Variants in COMMD10 observed in about 807,000 individuals in gnomAD.
COMMD10 encodes COMM domain containing 10, also known as COMM domain-containing protein 10.
A neutral mutation model predicts 28.9 loss-of-function variants in COMMD10; 33 were observed. The ratio of observed to expected loss-of-function variants is 1.14; its 90% CI spans 0.87 to 1.53. The LOEUF (loss-of-function observed/expected upper bound fraction) is 1.53. COMMD10 is among the 40% of genes most tolerant of loss of function. The pLI is 0.00. For synonymous variants in COMMD10, 110 were observed against 81.7 expected, an observed-to-expected ratio of 1.35 and a Z score of -1.87; for missense variants, 310 against 233.4, an observed-to-expected ratio of 1.33 and a Z score of -2.14.
chr5:116,181,083 G>A (rs1747941562), intron 5 of COMMD10, among the ~76,000 whole-genome samples: 1 of 152,072 alleles, frequency 6.6e-6, no homozygotes, highest in East Asian at 1.9e-4. Context: ...GGTTGAAGCT[G>A]CAGTGAGCTG....
intron 4 of COMMD10, among the ~76,000 whole-genome samples, chr5:116,099,608 T>C (rs1750588059): frequency 6.6e-6 from 1 of 152,232 alleles, no homozygotes; most frequent in African/African-American, 2.4e-5. Flanking sequence ...TAACACTTGC[T>C]GTCTCTTGTC....
intron 1 of COMMD10, 35 bp from the exon 2 acceptor site, chr5:116,087,462 C>CT: frequency 7.3e-7 from 1 of 1,361,806 alleles, no homozygotes; most frequent in Non-Finnish European, 1.1e-6. Flanking sequence ...ACTTGGAAAA[C>CT]TCATTTCAAA....
intron 5 of COMMD10, among the ~76,000 whole-genome samples, chr5:116,176,483 A>G (rs982566047): frequency 2.6e-5 from 4 of 152,152 alleles, no homozygotes; most frequent in Non-Finnish European, 5.9e-5. Context: ...AACATCTGAG[A>G]TGTGGGTTTA....
At chr5:116,095,085 A>C (rs1159364204) in intron 4 of COMMD10, among the ~76,000 whole-genome samples, 1 of 152,172 alleles carries the variant, frequency 6.6e-6, no homozygotes. Flanking sequence ...TATAATCAGA[A>C]GTAATAAGTT....
intron 4 of COMMD10, among the ~76,000 whole-genome samples, chr5:116,101,421 A>T (rs1257878644): frequency 2.0e-5 from 3 of 150,510 alleles, no homozygotes; most frequent in Non-Finnish European, 4.4e-5. Context: ...TTTATTTTTT[A>T]TTTATTTATT....
chr5:116,093,502 A>G (rs1237260678), intron 4 of COMMD10, among the ~76,000 whole-genome samples: 1 of 152,072 alleles, frequency 6.6e-6, no homozygotes, highest in Admixed American at 6.5e-5. Context: ...TAACTGTGGG[A>G]GAGTTCTTGA....
chr5:116,221,951 G>A (rs1358986829), intron 5 of COMMD10, among the ~76,000 whole-genome samples: 1 of 152,202 alleles, frequency 6.6e-6, no homozygotes, highest in Non-Finnish European at 1.5e-5. Flanking sequence ...GTTTTAGCAG[G>A]TTGTGAAAAG....
chr5:116,134,211 T>G (rs764773162), intron 5 of COMMD10, 33 bp downstream of exon 5: 1 of 1,295,894 alleles, frequency 7.7e-7, no homozygotes, highest in Admixed American at 1.7e-5. Context: ...AAGGATGTAT[T>G]TTGTTTGTTA....
intron 5 of COMMD10, among the ~76,000 whole-genome samples, chr5:116,222,748 G>A (rs914381236): frequency 6.6e-6 from 1 of 152,270 alleles, no homozygotes; most frequent in Admixed American, 6.5e-5. Context: ...CTGGAATGCA[G>A]TGGTGCCATC....
At chr5:116,127,418 A>G (rs1054123220) in intron 4 of COMMD10, among the ~76,000 whole-genome samples, 1 of 152,184 alleles carries the variant, frequency 6.6e-6, no homozygotes, top group Non-Finnish European at 1.5e-5. Context: ...CAGCCATCCC[A>G]TTACTAGGTA....
Position 116,128,620 on chromosome 5 carries a change from G to A in COMMD10, c.400-5448G>A, listed in dbSNP as rs188144118. 2.5e-3 allele frequency among the ~76,000 whole-genome samples: 376 copies of A among 151,958 alleles called. 1 individual carries two copies. Among genetic ancestry groups the A allele is most frequent in the African/African-American group, 8.1e-3 (335 of 41,480 alleles). On this transcript the variant is annotated intron_variant, in intron 4 of 6. Transcript: ENST00000274458. ...TTATTTGCTTAGTTATGAGTCTCAG[G>A]AATAATTAAATGGTATGAGATTTTT...
intron 3 of COMMD10, 119 bp from the exon 4 acceptor site, chr5:116,092,426 T>G: frequency 1.7e-6 from 1 of 596,006 alleles, no homozygotes; most frequent in Non-Finnish European, 2.7e-6. Context: ...ATGTTGGTAA[T>G]AGGACTATGA....
intron 5 of COMMD10, among the ~76,000 whole-genome samples, chr5:116,176,715 AT>A (rs1753525121): frequency 6.6e-6 from 1 of 152,126 alleles, no homozygotes; most frequent in Non-Finnish European, 1.5e-5. Flanking sequence ...TTTTTAAAAA[AT>A]TTCCTAGTTA....
At chr5:116,246,676 A>G (rs1749959298) in intron 5 of COMMD10, among the ~76,000 whole-genome samples, 1 of 152,172 alleles carries the variant, frequency 6.6e-6, no homozygotes, top group African/African-American at 2.4e-5. Flanking sequence ...GAACCCAGAT[A>G]TAAGGCCATA....
intron 5 of COMMD10, among the ~76,000 whole-genome samples, chr5:116,169,885 C>G (rs992027740): frequency 6.6e-6 from 1 of 152,062 alleles, no homozygotes; most frequent in African/African-American, 2.4e-5. Flanking sequence ...CAATATCATA[C>G]TGAATGGGCA....
intron 5 of COMMD10, among the ~76,000 whole-genome samples, chr5:116,220,508 A>G (rs896461347): frequency 5.3e-5 from 8 of 152,060 alleles, no homozygotes; most frequent in African/African-American, 1.7e-4. Context: ...ACATGTCTGT[A>G]TAGGTCAGAG....
At chr5:116,272,613 T>C (rs1440918978) in intron 5 of COMMD10, among the ~76,000 whole-genome samples, 1 of 151,876 alleles carries the variant, frequency 6.6e-6, no homozygotes, top group African/African-American at 2.4e-5. Flanking sequence ...TGCTTTGTCT[T>C]CAGGATCATA....
intron 5 of COMMD10, among the ~76,000 whole-genome samples, chr5:116,269,347 A>C (rs1287157378): frequency 6.6e-6 from 1 of 151,856 alleles, no homozygotes. Flanking sequence ...TGGGCCACCC[A>C]CCAAACCTGT....
chr5:116,241,334 G>A (rs1749801139), intron 5 of COMMD10, among the ~76,000 whole-genome samples: 2 of 152,068 alleles, frequency 1.3e-5, no homozygotes, highest in Admixed American at 6.5e-5. Context: ...AATCAAAACA[G>A]CTTATTTCAG....
Sources: gnomAD v4.1 joint callset for allele counts (sites outside exome capture counted in the v4.1 genomes callset) on GRCh38, gnomAD v4.1.1 for gene constraint, MANE v1.5 for transcripts, NCBI Gene and HGNC (gene_info 2026-07-23, HGNC 2026-07-21) for gene names.